ZBTB4: variants seen among roughly 807,000 people sequenced by gnomAD.
The protein encoded by ZBTB4 is zinc finger and BTB domain-containing protein 4.
In ZBTB4, 14 loss-of-function variants were observed where a neutral mutation model predicts 59.8. The ratio of observed to expected loss-of-function variants is 0.23; its 90% CI spans 0.15 to 0.37. The LOEUF is 0.37. Ranked by LOEUF, ZBTB4 falls within the 10% of genes least tolerant of loss-of-function variation. The pLI is 1.00. For synonymous variants in ZBTB4, 587 were observed against 575.2 expected, an observed-to-expected ratio of 1.02 and a Z score of -0.29; for missense variants, 1,198 against 1,380.8, an observed-to-expected ratio of 0.87 and a Z score of 2.10.
chr17:7,481,551 C>T (rs1199461108), upstream of ZBTB4: 4 of 1,466,856 alleles, frequency 2.7e-6, no homozygotes, highest in Non-Finnish European at 3.7e-6. Flanking sequence ...CTAGTACTCC[C>T]TCCCTATAGC....
rs2070024220 is a variant in ZBTB4 at position 7,461,818 on chromosome 17, C to T, written c.*122G>A. 1 of 834,066 alleles carries T rather than the reference C, an allele frequency of 1.2e-6. No individual in the cohort carries two copies. Among genetic ancestry groups the T allele is most frequent in the Admixed American group, 2.8e-5 (1 of 36,166 alleles). The allele number at this position is 834,066 out of a possible 1,614,324, so 51.7% of individuals were successfully genotyped here. On this transcript the variant is annotated 3_prime_UTR_variant, in exon 4 of 4. Coordinates refer to ENST00000380599, the MANE Select transcript of ZBTB4 (RefSeq NM_001128833.2). ...CAGCCTGACCCCTGAGCTCCAGGGG[C>T]CCCCAAGTCCCTGCACAAGAGTGTG...
intron 1 of ZBTB4, among the ~76,000 whole-genome samples, chr17:7,473,333 T>C (rs975228776): frequency 3.3e-5 from 5 of 151,780 alleles, no homozygotes; most frequent in Admixed American, 2.0e-4. Context: ...GCCAGGATGG[T>C]CTCCATCTCC....
intron 1 of ZBTB4, among the ~76,000 whole-genome samples, chr17:7,473,674 G>A (rs1397531854): frequency 6.6e-6 from 1 of 151,734 alleles, no homozygotes; most frequent in African/African-American, 2.4e-5. Context: ...TCAGCCTTCT[G>A]AGTAGCTGGG....
At chr17:7,474,484 T>C (rs2150863279) in intron 1 of ZBTB4, among the ~76,000 whole-genome samples, 1 of 152,140 alleles carries the variant, frequency 6.6e-6, no homozygotes, top group African/African-American at 2.4e-5. Flanking sequence ...ACCCAAAGTG[T>C]TGGAATTACA....
chr17:7,465,463 CAA>C (rs71157289), intron 3 of ZBTB4, among the ~76,000 whole-genome samples: 154 of 82,956 alleles, frequency 1.9e-3, no homozygotes, highest in Middle Eastern at 7.9e-3. Context: ...GGCTCTGTCT[CAA>C]AAAAAAAAAA....
upstream of ZBTB4, among the ~76,000 whole-genome samples, chr17:7,479,919 C>T (rs55894190): frequency 0.56 from 85,185 of 151,372 alleles, 24,370 homozygotes; most frequent in East Asian, 0.7. Flanking sequence ...GCCCTTCCTC[C>T]TGCACGCCCT....
upstream of ZBTB4, chr17:7,482,123 G>A (rs1228571437): frequency 6.2e-7 from 1 of 1,614,168 alleles, no homozygotes; most frequent in South Asian, 1.1e-5. Context: ...CCTGCTGGGT[G>A]GGGGCCTGCC....
intron 1 of ZBTB4, among the ~76,000 whole-genome samples, chr17:7,469,643 T>G (rs2070173046): frequency 6.6e-6 from 1 of 151,620 alleles, no homozygotes; most frequent in South Asian, 2.1e-4. Context: ...TGGGTGTCTG[T>G]AATCCCAGAT....
chr17:7,463,584 GCCAGGCTCTGGGGCAGGTGGAGGC>G lies in ZBTB4; in HGVS notation c.1374_1397del (p.Ala462_Pro469del). 6.3e-7 allele frequency: 1 copy of G among 1,597,002 alleles called. No individual in the cohort carries two copies. The highest frequency in any genetic ancestry group is 8.5e-7 in the Non-Finnish European group (1 of 1,171,876). ...CAAAAGTGATGACAGAGGGTGGAGG[GCCAGGCTCTGGGGCAGGTGGAGGC>G]CCAGGCGGCGGGCTGGCTGGCATTG... On this transcript the variant is annotated inframe_deletion, in exon 4 of 4. Coordinates refer to ENST00000380599, the MANE Select transcript of ZBTB4 (RefSeq NM_001128833.2).
chr17:7,462,912 G>A lies in ZBTB4; in HGVS notation c.2070C>T (p.Pro690=), dbSNP rs1284968992. ...TCCAACGTGGTGGCCGGCGGCCTCG[G>A]GGCAGCCCACTGCCCCCCACACTGG... The part of the protein sequence containing the change: ...GGASVGGSGL[P]RGRRPPRWRQ... The change falls in exon 4 of 4, where the codon CCC becomes CCT. Residue 690 remains proline (P), a synonymous_variant. Coordinates refer to ENST00000380599, the MANE Select transcript of ZBTB4 (RefSeq NM_001128833.2). The surrounding 1 kb of genome is among the most constrained non-coding windows in gnomAD (Gnocchi z 7.5). 6.2e-7 allele frequency: 1 copy of A among 1,609,346 alleles called. No homozygotes were observed.
chr17:7,482,056 C>T (rs2070351380), upstream of ZBTB4: 1 of 1,613,786 alleles, frequency 6.2e-7, no homozygotes, highest in Non-Finnish European at 8.5e-7. Flanking sequence ...CTCCACCCAG[C>T]CTCCGCTGGC....
In ZBTB4 at chr17:7,465,949, C is replaced by A; in HGVS notation, c.853G>T (p.Ala285Ser). 1 of 1,604,602 alleles carries A rather than the reference C, an allele frequency of 6.2e-7. No homozygotes were observed. The highest frequency in any genetic ancestry group is 1.1e-5 in the South Asian group (1 of 90,416). Reference sequence around the variant, plus strand: ...CGGAAGCCCACTGGTGGAGGCAGGGCTGAGGCGTCCACCCCTGCAGGACCA... The same window carrying A: ...CGGAAGCCCACTGGTGGAGGCAGGGATGAGGCGTCCACCCCTGCAGGACCA... ...PGGPAGVDAS[A>S]LPPPVGFRGG... is the part of the protein sequence containing the mutation. The change falls in exon 3 of 4, where the codon GCC (alanine) becomes TCC (serine). Residue 285 changes from alanine (A) to serine (S), a missense_variant. By Grantham distance (99) the Ala-to-Ser change is moderately conservative. Around this residue, in one of 9 missense-constraint regions of ZBTB4, gnomAD observed 204 missense variants for 205.5 expected, o/e 0.99. Coordinates refer to ENST00000380599, the MANE Select transcript of ZBTB4 (RefSeq NM_001128833.2).
At position 7,463,581 on chromosome 17, in the gene ZBTB4, A is replaced by G; in HGVS notation, c.1401T>C (p.Pro467=). ...PGPPPAPEPG[P]PPSVITFAHP... The stretch of plus-strand genomic sequence containing the variant: ...GGGCAAAAGTGATGACAGAGGGTGG[A>G]GGGCCAGGCTCTGGGGCAGGTGGAG... Residue 467 remains proline, a synonymous_variant, in exon 4 of 4, where the codon CCT becomes CCC. Transcript: ENST00000380599. The G allele has an allele frequency of 1.3e-6, 2 of 1,595,224 alleles. No individual in the cohort carries two copies. The highest frequency in any genetic ancestry group is 1.7e-6 in the Non-Finnish European group (2 of 1,171,244).
At chr17:7,473,109 CA>C (rs1159247026) in intron 1 of ZBTB4, among the ~76,000 whole-genome samples, 14 of 88,156 alleles carry the variant, frequency 1.6e-4, no homozygotes, top group Middle Eastern at 6.3e-3. Flanking sequence ...CGCGCGCCAC[CA>C]TTTTTTTTTT....
At chr17:7,476,162 C>T (rs938815051) in intron 1 of ZBTB4, among the ~76,000 whole-genome samples, 1 of 152,192 alleles carries the variant, frequency 6.6e-6, no homozygotes, top group South Asian at 2.1e-4. Context: ...TTCCTCCATC[C>T]AGCCCTCCTC....
In ZBTB4 at chr17:7,462,374, G is replaced by T. The variant is rs755717774; in HGVS notation, c.2608C>A (p.Pro870Thr). The T allele has an allele frequency of 6.2e-7, 1 of 1,613,900 alleles. No homozygotes were observed. The highest frequency in any genetic ancestry group is 8.5e-7 in the Non-Finnish European group (1 of 1,179,976). The change falls in exon 4 of 4, where the codon CCA (proline) becomes ACA (threonine). Residue 870 changes from proline to threonine, a missense_variant. By Grantham distance (38) the Pro-to-Thr change is conservative. This residue lies in a region of ZBTB4 where 211 missense variants were observed against 236.1 expected (regional missense o/e 0.89). Transcript: ENST00000380599. The surrounding 1 kb of genome is among the most constrained non-coding windows in gnomAD (Gnocchi z 7.5). ...GCCAGTGGAAATTCCTGCACAGGTG[G>T]GTATACATAGCTGCCCCCGCTTGCC... ...VVASGGSYVY[P>T]PVQEFPLALI...
At position 7,466,586 on chromosome 17, in the gene ZBTB4, C is replaced by T. The variant is rs1189549496; in HGVS notation, c.216G>A (p.Gly72=). ...TGGTGGCAGGGTTGGGTGCGGCGCC[C>T]CCAGTAGCTGGTGGAAGGGGTAGTG... ...SAPLPLPPAT[G]GAAPNPATTT... is the part of the protein sequence containing the mutation. Residue 72 remains glycine, a synonymous_variant, in exon 3 of 4, where the codon GGG becomes GGA. Coordinates refer to ENST00000380599, the MANE Select transcript of ZBTB4 (RefSeq NM_001128833.2). This position sits in a 1 kb window ranked among gnomAD's most constrained non-coding sequence, Gnocchi z 9.1. The T allele has an allele frequency of 6.2e-7, 1 of 1,612,968 alleles. No individual in the cohort carries two copies. The highest frequency in any genetic ancestry group is 1.7e-5 in the Admixed American group (1 of 59,926).
Position 7,462,434 on chromosome 17 carries a change from G to A in ZBTB4, c.2548C>T (p.Pro850Ser). ...GGCTCCTCACCCCCTGAAATGATAGGGTCCTGGAGTGAGGCGGTCTCGGAA... is the reference window on the plus strand; with the variant it reads ...GGCTCCTCACCCCCTGAAATGATAGAGTCCTGGAGTGAGGCGGTCTCGGAA... Reference protein sequence around the residue: ...EASETASLQDPIISGGEEPPV... With the variant: ...EASETASLQDSIISGGEEPPV... Residue 850 changes from proline (P) to serine (S), a missense_variant, in exon 4 of 4, where the codon CCT becomes TCT. Physicochemically the swap from Pro to Ser is moderately conservative, Grantham distance 74 (BLOSUM62 -1). Around this residue, in one of 9 missense-constraint regions of ZBTB4, gnomAD observed 211 missense variants for 236.1 expected, o/e 0.89. Transcript: ENST00000380599. The surrounding 1 kb of genome is among the most constrained non-coding windows in gnomAD (Gnocchi z 7.5). The A allele has an allele frequency of 6.2e-7, 1 of 1,613,886 alleles. No homozygotes were observed. Among genetic ancestry groups the A allele is most frequent in the East Asian group, 2.2e-5 (1 of 44,872 alleles).
At chr17:7,475,202 G>A (rs370275850) in intron 1 of ZBTB4, among the ~76,000 whole-genome samples, 5 of 151,118 alleles carry the variant, frequency 3.3e-5, no homozygotes, top group East Asian at 3.9e-4. Context: ...TTAGCTGGGC[G>A]TAGTGGCGGG....
Sources: allele counts gnomAD v4.1 joint callset (sites outside exome capture counted in the v4.1 genomes callset), GRCh38; gene constraint gnomAD v4.1.1; regional missense constraint gnomAD v4.1.1; non-coding constraint Gnocchi (gnomAD v3.1); transcripts MANE v1.5; gene names NCBI Gene and HGNC (gene_info 2026-07-23, HGNC 2026-07-21).